Variants in ABI3 observed in about 807,000 individuals in gnomAD.
ABI3 encodes the protein ABI gene family member 3.
ABI3 carries 24 observed loss-of-function variants against 37.0 expected under a neutral mutation model. The observed-to-expected ratio is 0.65, with a 90% CI of 0.47 to 0.91. The LOEUF (loss-of-function observed/expected upper bound fraction) is 0.91. ABI3 is among the 40% of genes least tolerant of loss of function. ABI3 has a pLI of 0.00. For synonymous variants in ABI3, 220 were observed against 211.8 expected, an observed-to-expected ratio of 1.04 and a Z score of -0.34; for missense variants, 481 against 485.1, an observed-to-expected ratio of 0.99 and a Z score of 0.08.
chr17:49,213,656 C>A (rs1438841744), intron 1 of ABI3, among the ~76,000 whole-genome samples: 1 of 152,232 alleles, frequency 6.6e-6, no homozygotes, highest in Non-Finnish European at 1.5e-5. Flanking sequence ...TCCCTGCGGA[C>A]CTAACTTTGG....
In ABI3 at chr17:49,210,846, G is replaced by T. The variant is rs771420558; in HGVS notation, c.117+5G>T. ...TGCGAGGACAACTATGTGCAGGTAG[G>T]TAGAGCGGGCGGAAGCCTGACACCC... On this transcript the variant is annotated splice_donor_5th_base_variant and intron_variant, in intron 1 of 7. Transcript: ENST00000225941. This position sits in a 1 kb window ranked among gnomAD's most constrained non-coding sequence, Gnocchi z 4.2. 1 of 1,546,694 alleles carries T rather than the reference G, an allele frequency of 6.5e-7. No individual in the cohort carries two copies. Among genetic ancestry groups the T allele is most frequent in the African/African-American group, 1.4e-5 (1 of 73,218 alleles).
Position 49,222,001 on chromosome 17 carries a change from G to A in ABI3, c.803-90G>A, listed in dbSNP as rs2043295127. On this transcript the variant is annotated intron_variant, in intron 6 of 7. Transcript: ENST00000225941. ...CCCAACGTGCCTCGCTGAGATGGGT[G>A]GATTCTGGGGTCCAGCTCTTGAGCA... 5 of 1,428,296 alleles carry A rather than the reference G, an allele frequency of 3.5e-6. No homozygotes were observed. In the African/African-American group the frequency reaches 4.4e-5, roughly 13 times the overall value. The allele number at this position is 1,428,296 out of a possible 1,614,324, so 88.5% of individuals were successfully genotyped here.
intron 1 of ABI3, among the ~76,000 whole-genome samples, chr17:49,215,041 GA>G (rs2043206235): frequency 6.6e-6 from 1 of 152,232 alleles, no homozygotes; most frequent in African/African-American, 2.4e-5. Flanking sequence ...TAAATACCAT[GA>G]AGAAAAGAGA....
chr17:49,220,356 C>G (rs1343121707), intron 6 of ABI3, 30 bp downstream of exon 6: 3 of 1,539,680 alleles, frequency 1.9e-6, no homozygotes, highest in Admixed American at 2.0e-5. Flanking sequence ...TCTTCCCAAC[C>G]GTGGGGTCGC....
chr17:49,218,482 A>G (rs1399357234), intron 3 of ABI3, among the ~76,000 whole-genome samples: 1 of 152,064 alleles, frequency 6.6e-6, no homozygotes, highest in Non-Finnish European at 1.5e-5. Context: ...ACACCTTAAC[A>G]TTTCTGTATC....
intron 1 of ABI3, among the ~76,000 whole-genome samples, chr17:49,212,259 T>A (rs146786384): frequency 1.3e-5 from 2 of 152,282 alleles, no homozygotes; most frequent in East Asian, 3.9e-4. Context: ...TGGGCTTCCC[T>A]GAATCCTGAT....
Position 49,219,046 on chromosome 17 carries a change from G to A in ABI3, c.463-494G>A, listed in dbSNP as rs1263232569. On this transcript the variant is annotated intron_variant, in intron 3 of 7. Transcript: ENST00000225941. This position sits in a 1 kb window ranked among gnomAD's most constrained non-coding sequence, Gnocchi z 4.3. Reference sequence around the variant, plus strand: ...CAGCAGTTCCCTCTTTCATGTAGGCGTGCACCCTGTCATTTGCGCATCCCC... The same window carrying A: ...CAGCAGTTCCCTCTTTCATGTAGGCATGCACCCTGTCATTTGCGCATCCCC... 1.3e-5 allele frequency among the ~76,000 whole-genome samples: 2 copies of A among 152,134 alleles called. No homozygotes were observed. The highest frequency in any genetic ancestry group is 2.1e-4 in the South Asian group (1 of 4,826).
intron 1 of ABI3, among the ~76,000 whole-genome samples, chr17:49,215,494 CT>C (rs111820237): frequency 6.7e-5 from 10 of 148,620 alleles, no homozygotes; most frequent in East Asian, 4.0e-4. Context: ...ACATGGAAAG[CT>C]TTTTTTTTTG....
intron 2 of ABI3, among the ~76,000 whole-genome samples, chr17:49,217,069 C>T (rs2143525293): frequency 6.6e-6 from 1 of 152,264 alleles, no homozygotes; most frequent in Middle Eastern, 3.4e-3. Flanking sequence ...TCATCTTCAG[C>T]CCTGGAAGCA....
chr17:49,223,176 CCA>C lies in ABI3; in HGVS notation c.*462_*463del, dbSNP rs2043312103. On this transcript the variant is annotated 3_prime_UTR_variant, in exon 8 of 8. Transcript: ENST00000225941. ...CACAAAGTGCAGCCCACATTGGACCCCAGACACCCCTCTGCAGCCATTGACTG... is the reference window on the plus strand; with the variant it reads ...CACAAAGTGCAGCCCACATTGGACCCGACACCCCTCTGCAGCCATTGACTG... The C allele has an allele frequency of 5.0e-6, 2 of 401,636 alleles. No homozygotes were observed. Among genetic ancestry groups the C allele is most frequent in the East Asian group, 3.6e-5 (1 of 28,068 alleles). 24.9% of individuals were successfully genotyped at this position (401,636 alleles called of 1,614,324 possible).
At chr17:49,215,885 C>T (rs929199575) in intron 1 of ABI3, among the ~76,000 whole-genome samples, 2 of 151,332 alleles carry the variant, frequency 1.3e-5, no homozygotes, top group African/African-American at 2.4e-5. Flanking sequence ...AGGCAAATCA[C>T]CTGAGGTCGG....
intron 1 of ABI3, among the ~76,000 whole-genome samples, chr17:49,213,415 G>C (rs756759561): frequency 1.3e-5 from 2 of 152,102 alleles, no homozygotes; most frequent in African/African-American, 4.8e-5. Flanking sequence ...GCCTAGGAAG[G>C]TTCTGGATCT....
intron 1 of ABI3, among the ~76,000 whole-genome samples, chr17:49,214,746 A>T (rs1416731084): frequency 6.6e-6 from 1 of 152,230 alleles, no homozygotes; most frequent in East Asian, 1.9e-4. Flanking sequence ...GCCTTCAGCC[A>T]CTGCCTGCTT....
chr17:49,221,998 G>T lies in ABI3; in HGVS notation c.803-93G>T, dbSNP rs1281159571. On this transcript the variant is annotated intron_variant, in intron 6 of 7. Transcript: ENST00000225941. ...CCTCCCAACGTGCCTCGCTGAGATG[G>T]GTGGATTCTGGGGTCCAGCTCTTGA... 1.5e-5 allele frequency: 21 copies of T among 1,426,612 alleles called. No homozygotes were observed. In the South Asian group the frequency reaches 2.9e-4, roughly 20 times the overall value. The allele number at this position is 1,426,612 out of a possible 1,614,324, so 88.4% of individuals were successfully genotyped here.
At position 49,218,020 on chromosome 17, in the gene ABI3, C is replaced by G. The variant is rs1010625786; in HGVS notation, c.462+105C>G. 5 of 1,188,662 alleles carry G rather than the reference C, an allele frequency of 4.2e-6. No individual in the cohort carries two copies. In the African/African-American group the frequency reaches 8.0e-5, roughly 19 times the overall value. The allele number at this position is 1,188,662 out of a possible 1,614,324, so 73.6% of individuals were successfully genotyped here. On this transcript the variant is annotated intron_variant, in intron 3 of 7. Transcript: ENST00000225941. ...CTGCAAGTTTTGTCCCCACTTGCCA[C>G]TCCTTTCTTTCCCCGCTCCCTGAAA...
At chr17:49,221,341 G>A (rs1293704824) in intron 6 of ABI3, among the ~76,000 whole-genome samples, 3 of 148,088 alleles carry the variant, frequency 2.0e-5, no homozygotes, top group Non-Finnish European at 4.5e-5. Flanking sequence ...CGTGGTGGCG[G>A]GCGCCTGTAG....
At position 49,217,849 on chromosome 17, in the gene ABI3, T is replaced by A; in HGVS notation, c.396T>A (p.Pro132=). 6.2e-7 allele frequency: 1 copy of A among 1,604,578 alleles called. No individual in the cohort carries two copies. The highest frequency in any genetic ancestry group is 8.5e-7 in the Non-Finnish European group (1 of 1,176,054). Residue 132 remains proline, a synonymous_variant, in exon 3 of 8, where the codon CCT becomes CCA. Coordinates refer to ENST00000225941, the MANE Select transcript of ABI3 (RefSeq NM_016428.3). ...QKVIAPENLP[P]LTPYCRRPLN... ...TCATCGCCCCAGAGAACCTACCCCC[T>A]CTCACGCCCTACTGCAGGAGACCCC...
chr17:49,216,482 G>C, intron 1 of ABI3, 49 bp from the exon 2 acceptor site: 1 of 1,428,378 alleles, frequency 7.0e-7, no homozygotes, highest in Non-Finnish European at 9.2e-7. Context: ...GCCAGCCAAG[G>C]ACCCAGTGGA....
At chr17:49,222,062 A>G in intron 6 of ABI3, 29 bp from the exon 7 acceptor site, 5 of 1,554,206 alleles carry the variant, frequency 3.2e-6, no homozygotes, top group Non-Finnish European at 4.3e-6. Flanking sequence ...CCTGTGCCAC[A>G]CTTACAGCCT....
Sources: gnomAD v4.1 joint callset for allele counts (sites outside exome capture counted in the v4.1 genomes callset) on GRCh38, gnomAD v4.1.1 for gene constraint, Gnocchi (gnomAD v3.1) non-coding constraint, MANE v1.5 for transcripts, NCBI Gene and HGNC (gene_info 2026-07-23, HGNC 2026-07-21) for gene names.